Variants in ZFAT observed in about 807,000 individuals in gnomAD.
The protein encoded by ZFAT is zinc finger and AT-hook domain containing.
Under a neutral mutation model 117.7 loss-of-function variants are expected in ZFAT, and 64 were observed. That is an observed-to-expected ratio of 0.54 (90% CI 0.44 to 0.67). The LOEUF (loss-of-function observed/expected upper bound fraction) is 0.67, where lower values mean the gene tolerates loss of function less well. ZFAT is among the 30% of genes least tolerant of loss of function. The pLI is 0.00. For missense variants in ZFAT, 1,433 were observed against 1,584.5 expected (o/e 0.90, Z 1.62); for synonymous variants, 679 against 615.0 (o/e 1.10, Z -1.54).
At chr8:134,617,190 C>G (rs980625041) in intron 3 of ZFAT, among the ~76,000 whole-genome samples, 14 of 152,172 alleles carry the variant, frequency 9.2e-5, no homozygotes, top group Non-Finnish European at 1.5e-4. Flanking sequence ...CTGCTCTCAG[C>G]ATCTGGTGGT....
In ZFAT at chr8:134,566,393, C is replaced by CAAAAAAAAAAAAAAA. The variant is rs57041885; in HGVS notation, c.2888-987_2888-973dup. The stretch of plus-strand genomic sequence containing the variant: ...TGGGCGACAGAGCAAGACTCCAACT[C>CAAAAAAAAAAAAAAA]AAAAAAAAAAAAAAAAAGATTAAGG... On this transcript the variant is annotated intron_variant, in intron 10 of 15. Coordinates refer to ENST00000377838, the MANE Select transcript of ZFAT (RefSeq NM_020863.4). Among the ~76,000 whole-genome samples, 69 of 77,246 alleles carry CAAAAAAAAAAAAAAA rather than the reference C, an allele frequency of 8.9e-4. 2 individuals carry two copies. Among genetic ancestry groups the CAAAAAAAAAAAAAAA allele is most frequent in the African/African-American group, 1.5e-3 (32 of 21,704 alleles). The allele number at this position is 77,246 out of a possible 152,430, so 50.7% of individuals were successfully genotyped here.
At chr8:134,604,980 C>T (rs947916606) in intron 5 of ZFAT, among the ~76,000 whole-genome samples, 1 of 152,192 alleles carries the variant, frequency 6.6e-6, no homozygotes, top group African/African-American at 2.4e-5. Flanking sequence ...ATATTTTCTC[C>T]TCTACTGCAA....
chr8:134,518,627 C>T (rs1052667916), intron 13 of ZFAT, among the ~76,000 whole-genome samples: 1 of 151,898 alleles, frequency 6.6e-6, no homozygotes, highest in African/African-American at 2.4e-5. Flanking sequence ...TCTTTCTCAT[C>T]ACTATTTTTA....
intron 8 of ZFAT, among the ~76,000 whole-genome samples, chr8:134,589,660 G>A (rs1448656739): frequency 6.6e-6 from 1 of 152,198 alleles, no homozygotes; most frequent in African/African-American, 2.4e-5. Flanking sequence ...GTTAGCAGGG[G>A]TGCGGGGTGG....
At chr8:134,661,873 G>A (rs1006122290) in intron 1 of ZFAT, among the ~76,000 whole-genome samples, 6 of 152,184 alleles carry the variant, frequency 3.9e-5, no homozygotes, top group Admixed American at 6.5e-5. Flanking sequence ...AGCGCAAGAC[G>A]GGGTGGGGTT....
intron 3 of ZFAT, among the ~76,000 whole-genome samples, chr8:134,632,686 A>G (rs1477713097): frequency 6.6e-6 from 1 of 152,260 alleles, no homozygotes; most frequent in Non-Finnish European, 1.5e-5. Flanking sequence ...CAGTGGTGAC[A>G]ATACAGAAAT....
the ZFAT span, among the ~76,000 whole-genome samples, chr8:134,754,585 C>A: frequency 6.6e-6 from 1 of 152,224 alleles, no homozygotes; most frequent in South Asian, 2.1e-4. Flanking sequence ...GTGTCTCAAA[C>A]AAGTCACTCA....
intron 11 of ZFAT, among the ~76,000 whole-genome samples, chr8:134,558,430 A>C (rs1327077634): frequency 6.6e-6 from 1 of 152,230 alleles, no homozygotes; most frequent in African/African-American, 2.4e-5. Flanking sequence ...GAGGCTCAAA[A>C]AGGTAAAGGA....
intron 1 of ZFAT, among the ~76,000 whole-genome samples, chr8:134,665,435 G>T (rs1310351126): frequency 1.3e-5 from 2 of 152,214 alleles, no homozygotes; most frequent in Non-Finnish European, 2.9e-5. Context: ...CGCACATGAG[G>T]CAGAGTGTCC....
intron 11 of ZFAT, among the ~76,000 whole-genome samples, chr8:134,549,958 AG>A (rs1823006606): frequency 2.6e-5 from 4 of 152,276 alleles, no homozygotes; most frequent in African/African-American, 9.6e-5. Context: ...CAAGGACCTC[AG>A]GGAGTGAGGG....
chr8:134,484,180 C>T (rs558693959), intron 15 of ZFAT, among the ~76,000 whole-genome samples: 4 of 152,356 alleles, frequency 2.6e-5, no homozygotes, highest in African/African-American at 9.6e-5. Flanking sequence ...TGCACAAAGG[C>T]TATTACAATC....
chr8:134,819,888 T>C, the ZFAT span, among the ~76,000 whole-genome samples: 6 of 152,162 alleles, frequency 3.9e-5, no homozygotes, highest in African/African-American at 1.4e-4. Flanking sequence ...AAAAGATTCC[T>C]TTTGGAATCC....
chr8:134,587,058 C>T (rs1017029993), intron 9 of ZFAT, among the ~76,000 whole-genome samples: 5 of 152,218 alleles, frequency 3.3e-5, no homozygotes, highest in African/African-American at 7.2e-5. Flanking sequence ...AGCATTTGCA[C>T]TTTGGTGTCC....
chr8:134,584,115 T>A, intron 9 of ZFAT, 110 bp from the exon 10 acceptor site: 1 of 1,194,926 alleles, frequency 8.4e-7, no homozygotes, highest in Non-Finnish European at 1.1e-6. Context: ...TAGATATGTA[T>A]ATATAAAACA....
intron 11 of ZFAT, among the ~76,000 whole-genome samples, chr8:134,545,013 C>A (rs2130656220): frequency 6.6e-6 from 1 of 152,252 alleles, no homozygotes; most frequent in East Asian, 1.9e-4. Flanking sequence ...GAGTCCACAG[C>A]AACTGAGCTC....
upstream of ZFAT, among the ~76,000 whole-genome samples, chr8:134,714,117 CCCCA>C (rs778416230): frequency 5.0e-4 from 70 of 140,248 alleles, no homozygotes; most frequent in African/African-American, 1.2e-3. Context: ...GCCCCCCCCC[CCCCA>C]AAAAAAAAAA....
chr8:134,749,356 A>C, the ZFAT span, among the ~76,000 whole-genome samples: 1 of 152,210 alleles, frequency 6.6e-6, no homozygotes, highest in Non-Finnish European at 1.5e-5. Flanking sequence ...TTTATTGCTC[A>C]TGGTTCTGAA....
At chr8:134,578,358 C>T (rs1469891342) in intron 10 of ZFAT, among the ~76,000 whole-genome samples, 1 of 149,202 alleles carries the variant, frequency 6.7e-6, no homozygotes, top group Non-Finnish European at 1.5e-5. Flanking sequence ...TTGCAGTGAG[C>T]CGAGATGGCA....
At chr8:134,506,615 G>A (rs1054006010) in intron 15 of ZFAT, among the ~76,000 whole-genome samples, 4 of 152,286 alleles carry the variant, frequency 2.6e-5, no homozygotes, top group Non-Finnish European at 5.9e-5. Context: ...GAAAACCCCA[G>A]AAGACTTGGG....
Sources: allele counts gnomAD v4.1 joint callset (sites outside exome capture counted in the v4.1 genomes callset), GRCh38; gene constraint gnomAD v4.1.1; transcripts MANE v1.5; gene names NCBI Gene and HGNC (gene_info 2026-07-23, HGNC 2026-07-21).